KCTD8: variants seen among roughly 807,000 people sequenced by gnomAD.
The protein encoded by KCTD8 is BTB/POZ domain-containing protein KCTD8.
Under a neutral mutation model 31.5 loss-of-function variants are expected in KCTD8, and 27 were observed. The ratio of observed to expected loss-of-function variants is 0.86; its 90% CI spans 0.63 to 1.18. The LOEUF (loss-of-function observed/expected upper bound fraction) is 1.18, where lower values mean the gene tolerates loss of function less well. KCTD8 is among the 50% of genes most tolerant of loss of function. KCTD8 has a pLI of 0.00. For missense variants in KCTD8, 658 were observed against 647.7 expected, an observed-to-expected ratio of 1.02 and a Z score of -0.17; for synonymous variants, 290 against 280.0, an observed-to-expected ratio of 1.04 and a Z score of -0.36.
intron 1 of KCTD8, among the ~76,000 whole-genome samples, chr4:44,209,124 A>G (rs1179779717): frequency 1.3e-5 from 2 of 152,144 alleles, no homozygotes; most frequent in Non-Finnish European, 2.9e-5. Context: ...ACCCCCTCAC[A>G]AGCAGTAATA....
chr4:44,373,818 G>T (rs1719851746), intron 1 of KCTD8, among the ~76,000 whole-genome samples: 1 of 151,928 alleles, frequency 6.6e-6, no homozygotes, highest in Non-Finnish European at 1.5e-5. Flanking sequence ...ATAAGATAAG[G>T]ATTTCTTATT....
intron 1 of KCTD8, among the ~76,000 whole-genome samples, chr4:44,296,598 T>G (rs1185067573): frequency 3.9e-5 from 6 of 152,128 alleles, no homozygotes; most frequent in Non-Finnish European, 8.8e-5. Context: ...AACACCAATA[T>G]AATTAGTAGA....
chr4:44,323,775 G>A (rs73815010), intron 1 of KCTD8, among the ~76,000 whole-genome samples: 4,495 of 151,880 alleles, frequency 0.03, 281 homozygotes, highest in African/African-American at 0.1. Context: ...TAAGAAATAA[G>A]TTTGGGCAAA....
intron 1 of KCTD8, among the ~76,000 whole-genome samples, chr4:44,316,399 G>A (rs1577611697): frequency 6.6e-6 from 1 of 151,736 alleles, no homozygotes; most frequent in African/African-American, 2.4e-5. Context: ...TTCCTCCAGG[G>A]TTGATTTGTT....
chr4:44,313,108 C>A (rs1718002423), intron 1 of KCTD8, among the ~76,000 whole-genome samples: 1 of 152,144 alleles, frequency 6.6e-6, no homozygotes, highest in Non-Finnish European at 1.5e-5. Context: ...CCCTGCTGTG[C>A]CCAGAGAAGG....
intron 1 of KCTD8, among the ~76,000 whole-genome samples, chr4:44,249,603 A>G (rs1715767035): frequency 6.6e-6 from 1 of 151,834 alleles, no homozygotes; most frequent in Non-Finnish European, 1.5e-5. Context: ...ATTTACACAA[A>G]CAGGTGGCAA....
At chr4:44,194,976 C>A (rs1349745663) in intron 1 of KCTD8, among the ~76,000 whole-genome samples, 3 of 151,204 alleles carry the variant, frequency 2.0e-5, no homozygotes, top group Non-Finnish European at 4.4e-5. Context: ...CTGCCTTAGC[C>A]TCCCAAGTAG....
At chr4:44,303,231 CATAAA>C (rs1717685906) in intron 1 of KCTD8, among the ~76,000 whole-genome samples, 1 of 152,124 alleles carries the variant, frequency 6.6e-6, no homozygotes, top group Admixed American at 6.5e-5. Flanking sequence ...ATGCTGGCCT[CATAAA>C]ATGAGTTAGG....
At chr4:44,226,809 C>T (rs948885134) in intron 1 of KCTD8, among the ~76,000 whole-genome samples, 3 of 151,784 alleles carry the variant, frequency 2.0e-5, no homozygotes, top group African/African-American at 4.8e-5. Context: ...GAGCTTTTTT[C>T]GTATGTTTTT....
chr4:44,296,412 C>T (rs995180394), intron 1 of KCTD8, among the ~76,000 whole-genome samples: 3 of 152,036 alleles, frequency 2.0e-5, no homozygotes, highest in African/African-American at 4.8e-5. Context: ...TAAATGGTAT[C>T]GTAACAGTGT....
chr4:44,286,784 G>C (rs953256652), intron 1 of KCTD8, among the ~76,000 whole-genome samples: 9 of 152,084 alleles, frequency 5.9e-5, no homozygotes, highest in African/African-American at 2.2e-4. Context: ...GGATGGTTTA[G>C]GGGTAAGGGT....
At chr4:44,411,445 A>G (rs1392287217) in intron 1 of KCTD8, among the ~76,000 whole-genome samples, 2 of 151,952 alleles carry the variant, frequency 1.3e-5, no homozygotes, top group Non-Finnish European at 2.9e-5. Flanking sequence ...ATATTCATAT[A>G]ATCATTATTT....
intron 1 of KCTD8, among the ~76,000 whole-genome samples, chr4:44,256,214 C>T (rs1228542161): frequency 6.6e-6 from 1 of 151,842 alleles, no homozygotes; most frequent in Non-Finnish European, 1.5e-5. Flanking sequence ...AGCTACAAGT[C>T]AAGATAAGAT....
chr4:44,245,238 G>A (rs1231515851), intron 1 of KCTD8, among the ~76,000 whole-genome samples: 10 of 151,954 alleles, frequency 6.6e-5, no homozygotes, highest in Non-Finnish European at 1.5e-4. Flanking sequence ...GAGGGAATAG[G>A]GAGACAGGGA....
chr4:44,334,111 T>C (rs1028206018), intron 1 of KCTD8, among the ~76,000 whole-genome samples: 2 of 152,072 alleles, frequency 1.3e-5, no homozygotes, highest in African/African-American at 2.4e-5. Flanking sequence ...CTATAGTATA[T>C]TGAACTTAGC....
intron 1 of KCTD8, among the ~76,000 whole-genome samples, chr4:44,261,540 C>T (rs1411165007): frequency 6.6e-6 from 1 of 151,956 alleles, no homozygotes; most frequent in East Asian, 1.9e-4. Context: ...ATTCCCAGAA[C>T]TTATTCTTCC....
chr4:44,177,396 A>T (rs1336992192), intron 1 of KCTD8, among the ~76,000 whole-genome samples: 7 of 151,178 alleles, frequency 4.6e-5, no homozygotes, highest in South Asian at 4.2e-4. Flanking sequence ...CTCTTCTACC[A>T]CCCCTCTTGA....
intron 1 of KCTD8, among the ~76,000 whole-genome samples, chr4:44,282,656 A>G (rs1716933152): frequency 1.3e-5 from 2 of 152,164 alleles, no homozygotes; most frequent in Admixed American, 1.3e-4. Context: ...TTCTTGAAGG[A>G]AAGTAAAAGT....
At chr4:44,268,386 A>T (rs1156843291) in intron 1 of KCTD8, among the ~76,000 whole-genome samples, 3 of 152,164 alleles carry the variant, frequency 2.0e-5, no homozygotes, top group African/African-American at 7.2e-5. Context: ...TATTGATGGG[A>T]TGTATCTCAA....
Sources: allele counts gnomAD v4.1 joint callset (sites outside exome capture counted in the v4.1 genomes callset), GRCh38; gene constraint gnomAD v4.1.1; transcripts MANE v1.5; gene names NCBI Gene and HGNC (gene_info 2026-07-23, HGNC 2026-07-21).